The following EMP2 variants were observed in gnomAD, a reference collection of about 807,000 sequenced individuals.
EMP2 encodes the protein epithelial membrane protein 2.
EMP2 carries 19 observed loss-of-function variants against 13.7 expected under a neutral mutation model. That is an observed-to-expected ratio of 1.38 (90% CI 0.97 to 2.03). The LOEUF is 2.03. Among genes scored for constraint, EMP2 ranks in the 30% most tolerant of loss-of-function variants. The pLI is 0.00. For missense variants in EMP2, 253 were observed against 220.7 expected, an observed-to-expected ratio of 1.15 and a Z score of -0.93; for synonymous variants, 97 against 84.7, an observed-to-expected ratio of 1.15 and a Z score of -0.80.
intron 4 of EMP2, among the ~76,000 whole-genome samples, chr16:10,534,862 C>G (rs2050635204): frequency 1.3e-5 from 2 of 152,258 alleles, no homozygotes; most frequent in Non-Finnish European, 2.9e-5. Flanking sequence ...GGACCTATCT[C>G]TCTCCTGGCC....
Position 10,529,555 on chromosome 16 carries a change from T to C in EMP2, c.*3350A>G, listed in dbSNP as rs1248858607. 1 of 152,200 alleles carries C rather than the reference T, an allele frequency of 6.6e-6. No homozygotes were observed. The highest frequency in any genetic ancestry group is 6.5e-5 in the Admixed American group (1 of 15,270). The allele number at this position is 152,200 out of a possible 1,614,324, so 9.4% of individuals were successfully genotyped here. Reference sequence around the variant, plus strand: ...GATACTCATGTAGCCCCGACGTTTCTTGTGAAGGGAATTGATGTATTGCTT... The same window carrying C: ...GATACTCATGTAGCCCCGACGTTTCCTGTGAAGGGAATTGATGTATTGCTT... On this transcript the variant is annotated 3_prime_UTR_variant, in exon 5 of 5. Coordinates refer to ENST00000359543, the MANE Select transcript of EMP2 (RefSeq NM_001424.6).
intron 3 of EMP2, among the ~76,000 whole-genome samples, chr16:10,543,080 A>C (rs1444370789): frequency 1.3e-5 from 2 of 152,284 alleles, no homozygotes; most frequent in East Asian, 3.9e-4. Flanking sequence ...TCCTGACCTC[A>C]AGTGATCCAT....
intron 1 of EMP2, among the ~76,000 whole-genome samples, chr16:10,570,804 G>T (rs2050941780): frequency 1.3e-5 from 2 of 152,198 alleles, no homozygotes; most frequent in South Asian, 2.1e-4. Flanking sequence ...GCCTTCCAAA[G>T]TGCTGGGATT....
At chr16:10,574,748 C>T (rs1213257260) in intron 1 of EMP2, among the ~76,000 whole-genome samples, 2 of 151,794 alleles carry the variant, frequency 1.3e-5, no homozygotes, top group East Asian at 1.9e-4. Flanking sequence ...GACAGGGTTT[C>T]ACCATGTTAG....
At chr16:10,548,404 T>C (rs150068206) in intron 1 of EMP2, among the ~76,000 whole-genome samples, 2 of 151,888 alleles carry the variant, frequency 1.3e-5, no homozygotes, top group African/African-American at 4.8e-5. Flanking sequence ...ATAAAATTAA[T>C]CCCCAGCTGG....
intron 1 of EMP2, among the ~76,000 whole-genome samples, chr16:10,550,037 C>A (rs2050773933): frequency 6.6e-6 from 1 of 151,814 alleles, no homozygotes; most frequent in African/African-American, 2.4e-5. Flanking sequence ...AGGCACGTGT[C>A]ACCACGCCCA....
intron 1 of EMP2, among the ~76,000 whole-genome samples, chr16:10,561,762 G>C (rs1428708721): frequency 1.3e-5 from 2 of 152,220 alleles, no homozygotes; most frequent in African/African-American, 2.4e-5. Context: ...ACAGCACTTA[G>C]AACACGTCTT....
intron 3 of EMP2, among the ~76,000 whole-genome samples, chr16:10,539,428 A>T (rs2050677060): frequency 6.6e-6 from 1 of 152,108 alleles, no homozygotes; most frequent in Admixed American, 6.6e-5. Flanking sequence ...GAGCGAAAGG[A>T]GTCAGACCGG....
intron 1 of EMP2, among the ~76,000 whole-genome samples, chr16:10,570,283 T>C (rs879388825): frequency 2.7e-5 from 4 of 150,210 alleles, no homozygotes; most frequent in Non-Finnish European, 4.4e-5. Flanking sequence ...TGGAGTGCAG[T>C]GGTGCAATCA....
At chr16:10,565,143 T>A (rs1281376021) in intron 1 of EMP2, among the ~76,000 whole-genome samples, 1 of 152,240 alleles carries the variant, frequency 6.6e-6, no homozygotes, top group Non-Finnish European at 1.5e-5. Context: ...ATTTCCTCTT[T>A]GAAGAGGTGA....
intron 1 of EMP2, among the ~76,000 whole-genome samples, chr16:10,575,343 T>A (rs540588829): frequency 1.5e-4 from 20 of 136,874 alleles, no homozygotes; most frequent in African/African-American, 5.4e-4. Flanking sequence ...AAGCTCCGCC[T>A]CCCGGGTTCA....
At chr16:10,579,713 C>CATACACACACAA (rs1491502837) in intron 1 of EMP2, among the ~76,000 whole-genome samples, 7 of 61,014 alleles carry the variant, frequency 1.1e-4, no homozygotes, top group African/African-American at 4.0e-4. Flanking sequence ...AAGGTGCACA[C>CATACACACACAA]ACACACACAC....
At chr16:10,558,590 GT>G (rs2050849720) in intron 1 of EMP2, among the ~76,000 whole-genome samples, 1 of 152,046 alleles carries the variant, frequency 6.6e-6, no homozygotes, top group Non-Finnish European at 1.5e-5. Flanking sequence ...GCAACATTTG[GT>G]TTGCTGTTGC....
intron 1 of EMP2, chr16:10,559,299 A>G (rs1384345072): frequency 6.6e-6 from 1 of 152,444 alleles, no homozygotes; most frequent in Admixed American, 6.5e-5. Context: ...GTATCTGGAC[A>G]CCAGCCAGCC....
chr16:10,547,732 C>T (rs2050750849), intron 1 of EMP2, 55 bp from the exon 2 acceptor site: 3 of 1,064,844 alleles, frequency 2.8e-6, no homozygotes, highest in South Asian at 3.0e-5. Context: ...AACAAAATTA[C>T]AATAAAAAAT....
intron 1 of EMP2, chr16:10,576,357 A>C (rs2050984044): frequency 6.6e-6 from 1 of 152,166 alleles, no homozygotes; most frequent in African/African-American, 2.4e-5. Flanking sequence ...ATTTTGAGGA[A>C]AGACAGTTCA....
intron 4 of EMP2, among the ~76,000 whole-genome samples, chr16:10,536,548 T>C (rs2050648720): frequency 6.6e-6 from 1 of 152,224 alleles, no homozygotes; most frequent in Non-Finnish European, 1.5e-5. Context: ...TCTTCCTTTG[T>C]CTTCCGCCAT....
At chr16:10,570,634 G>A (rs1215176141) in intron 1 of EMP2, among the ~76,000 whole-genome samples, 2 of 152,100 alleles carry the variant, frequency 1.3e-5, no homozygotes, top group South Asian at 2.1e-4. Context: ...CTAACTTCAA[G>A]TGATCCACCC....
intron 1 of EMP2, among the ~76,000 whole-genome samples, chr16:10,562,188 T>C (rs1191587217): frequency 2.6e-5 from 4 of 152,094 alleles, no homozygotes; most frequent in African/African-American, 9.7e-5. Flanking sequence ...TTTTAGCAGA[T>C]CAAATCCTCC....
Sources: allele counts gnomAD v4.1 joint callset (sites outside exome capture counted in the v4.1 genomes callset), GRCh38; gene constraint gnomAD v4.1.1; transcripts MANE v1.5; gene names NCBI Gene and HGNC (gene_info 2026-07-23, HGNC 2026-07-21).